SLC48A1: variants seen among roughly 807,000 people sequenced by gnomAD.
SLC48A1 encodes the protein heme transporter HRG1.
SLC48A1 carries 6 observed loss-of-function variants against 14.8 expected under a neutral mutation model. That is an observed-to-expected ratio of 0.41 (90% CI 0.22 to 0.80). The LOEUF (loss-of-function observed/expected upper bound fraction) is 0.80, where lower values mean the gene tolerates loss of function less well. SLC48A1 is among the 30% of genes least tolerant of loss of function. The pLI is 0.34. For synonymous variants in SLC48A1, 89 were observed against 90.0 expected (o/e 0.99, Z 0.06); for missense variants, 165 against 204.8 (o/e 0.81, Z 1.19).
At chr12:47,768,361 AGGAGGCTGCTGCAG>A (rs1337864057), upstream of SLC48A1, among the ~76,000 whole-genome samples, 1 of 152,168 alleles carries the variant, frequency 6.6e-6, no homozygotes, top group Non-Finnish European at 1.5e-5. Context: ...AGGACCAGTT[AGGAGGCTGCTGCAG>A]GTAGGTAGGT....
intron 2 of SLC48A1, among the ~76,000 whole-genome samples, chr12:47,762,922 C>T (rs1231894897): frequency 6.6e-6 from 1 of 152,230 alleles, no homozygotes; most frequent in Non-Finnish European, 1.5e-5. Flanking sequence ...AACTGGAGAG[C>T]TCAAACTGAG....
Position 47,773,279 on chromosome 12 carries a change from C to T in SLC48A1, c.-26C>T, listed in dbSNP as rs1011560754. The T allele has an allele frequency of 2.1e-5, 29 of 1,392,500 alleles. No individual in the cohort carries two copies. The highest frequency in any genetic ancestry group is 1.9e-4 in the East Asian group (6 of 30,852). 86.3% of individuals were successfully genotyped at this position (1,392,500 alleles called of 1,614,324 possible). On this transcript the variant is annotated 5_prime_UTR_variant, in exon 1 of 3. Transcript: ENST00000442218. ...CCTGTGACTCTCGGCCGCGCTCGCC[C>T]TCGGCCCGCCCGGCGCCGCAGCCCC...
intron 1 of SLC48A1, among the ~76,000 whole-genome samples, chr12:47,774,750 C>G (rs1052569538): frequency 2.0e-5 from 3 of 152,218 alleles, no homozygotes; most frequent in Middle Eastern, 3.4e-3. Context: ...GGCACCCTGG[C>G]TAGGGTGTTC....
upstream of SLC48A1, among the ~76,000 whole-genome samples, chr12:47,754,443 G>A (rs1439881883): frequency 3.3e-5 from 5 of 152,236 alleles, no homozygotes; most frequent in East Asian, 9.6e-4. Context: ...TTCAAGGGCA[G>A]TGGTCAAGTG....
At position 47,777,164 on chromosome 12, in the gene SLC48A1, G is replaced by T. The variant is rs1033373505; in HGVS notation, c.137-1864G>T. Among the ~76,000 whole-genome samples the T allele has an allele frequency of 4.6e-5, 7 of 152,202 alleles. No individual in the cohort carries two copies. The highest frequency in any genetic ancestry group is 1.7e-4 in the African/African-American group (7 of 41,448). ...GAAAGGTGGCTGGTATAAAAATCCA[G>T]ATCTTGTAGGAGGTAAGAGGAAGCT... On this transcript the variant is annotated intron_variant, in intron 1 of 2. Coordinates refer to ENST00000442218, the MANE Select transcript of SLC48A1 (RefSeq NM_017842.3). This position sits in a 1 kb window ranked among gnomAD's most constrained non-coding sequence, Gnocchi z 4.5.
rs771319502 is a variant in SLC48A1 at position 47,780,241 on chromosome 12, G to A, written c.401G>A (p.Arg134Gln). The A allele has an allele frequency of 9.3e-6, 15 of 1,614,096 alleles. 1 individual carries two copies. In the South Asian group the frequency reaches 1.1e-4, roughly 12 times the overall value. ...CTCAGCCTCTATGCCCACCGCTACC[G>A]GGCTGACTTTGCTGACATCAGCATC... The part of the protein sequence containing the change: ...FLLSLYAHRY[R>Q]ADFADISILS... The change falls in exon 3 of 3, where the codon CGG becomes CAG. Residue 134 changes from arginine to glutamine, a missense_variant. Transcript: ENST00000442218.
Position 47,777,419 on chromosome 12 carries a change from C to T in SLC48A1, c.137-1609C>T, listed in dbSNP as rs1014315414. ...AGCTGTAGGCTTGGTAGGCCTTCAC[C>T]CTCACTAGGGTAGAACCCTGGGCCC... On this transcript the variant is annotated intron_variant, in intron 1 of 2. Transcript: ENST00000442218. The surrounding 1 kb of genome is among the most constrained non-coding windows in gnomAD (Gnocchi z 4.5). 6.6e-6 allele frequency among the ~76,000 whole-genome samples: 1 copy of T among 152,166 alleles called. No individual in the cohort carries two copies. Among genetic ancestry groups the T allele is most frequent in the African/African-American group, 2.4e-5 (1 of 41,422 alleles).
chr12:47,757,537 C>T (rs1417989104), upstream of SLC48A1, among the ~76,000 whole-genome samples: 3 of 152,168 alleles, frequency 2.0e-5, no homozygotes, highest in Non-Finnish European at 4.4e-5. Context: ...GCCCCCATAC[C>T]TCCCACCTCC....
At chr12:47,758,256 G>C (rs1417036200), upstream of SLC48A1, 6 of 1,432,820 alleles carry the variant, frequency 4.2e-6, no homozygotes, top group African/African-American at 5.7e-5. Context: ...GGGGCCTGCC[G>C]GTCTGGCGCA....
chr12:47,761,196 C>CAAA (rs35422100), intron 2 of SLC48A1, among the ~76,000 whole-genome samples: 9 of 102,042 alleles, frequency 8.8e-5, no homozygotes, highest in African/African-American at 2.2e-4. Flanking sequence ...AACTCCATCT[C>CAAA]AAAAAAAAAA....
chr12:47,760,771 A>C (rs1942357764), intron 2 of SLC48A1, among the ~76,000 whole-genome samples: 1 of 152,220 alleles, frequency 6.6e-6, no homozygotes, highest in African/African-American at 2.4e-5. Context: ...TCACACAGCT[A>C]GTAAATGGTG....
intron 1 of SLC48A1, 33 bp downstream of exon 1, chr12:47,773,473 T>TGCGCGGCTGCGGGGCGGGC (rs1189234370): frequency 7.7e-6 from 10 of 1,297,956 alleles, no homozygotes; most frequent in Middle Eastern, 3.0e-4. Context: ...GCGGGGCGGG[T>TGCGCGGCTGCGGGGCGGGC]GCGCGGCTGC....
At chr12:47,754,595 C>T (rs1941945648), upstream of SLC48A1, among the ~76,000 whole-genome samples, 1 of 152,128 alleles carries the variant, frequency 6.6e-6, no homozygotes, top group Non-Finnish European at 1.5e-5. Flanking sequence ...ATGAATAGTA[C>T]CTATCACAAA....
In SLC48A1 at chr12:47,775,064, T is replaced by C. The variant is rs575951693; in HGVS notation, c.136+1624T>C. Reference sequence around the variant, plus strand: ...GAGTCTGGCCTGGTACAAGTGGAGGTGAACCCTACCTGGCCGTTTGACCCT... The same window carrying C: ...GAGTCTGGCCTGGTACAAGTGGAGGCGAACCCTACCTGGCCGTTTGACCCT... On this transcript the variant is annotated intron_variant, in intron 1 of 2. Coordinates refer to ENST00000442218, the MANE Select transcript of SLC48A1 (RefSeq NM_017842.3). 5.3e-5 allele frequency among the ~76,000 whole-genome samples: 8 copies of C among 152,138 alleles called. No individual in the cohort carries two copies. In the East Asian group the frequency reaches 1.5e-3, roughly 29 times the overall value.
intron 1 of SLC48A1, chr12:47,759,230 T>C: frequency 1.8e-5 from 8 of 439,854 alleles, no homozygotes; most frequent in Non-Finnish European, 2.4e-5. Context: ...AGGGGGTGAG[T>C]CACTGCGGCC....
In SLC48A1 at chr12:47,780,319, A is replaced by G; in HGVS notation, c.*38A>G. On this transcript the variant is annotated 3_prime_UTR_variant, in exon 3 of 3. Transcript: ENST00000442218. ...GGTCTCTGCACCCTGGGGGGGCCTT[A>G]GGACCTGGACTCAGCCTCTGAGATG... 1 of 1,614,064 alleles carries G rather than the reference A, an allele frequency of 6.2e-7. No individual in the cohort carries two copies. Among genetic ancestry groups the G allele is most frequent in the Non-Finnish European group, 8.5e-7 (1 of 1,179,954 alleles).
chr12:47,766,910 C>T (rs1942527438), upstream of SLC48A1, among the ~76,000 whole-genome samples: 1 of 152,182 alleles, frequency 6.6e-6, no homozygotes, highest in African/African-American at 2.4e-5. Context: ...GAGCTGCATT[C>T]TGGGTCCAAG....
At chr12:47,771,049 G>A, upstream of SLC48A1, 1 of 404,536 alleles carries the variant, frequency 2.5e-6, no homozygotes, top group Non-Finnish European at 5.0e-6. Context: ...GAGGGCTGCT[G>A]CTGAGCTCAC....
upstream of SLC48A1, chr12:47,773,228 T>G: frequency 8.9e-7 from 1 of 1,123,352 alleles, no homozygotes; most frequent in Non-Finnish European, 1.1e-6. Flanking sequence ...CTCCCGCGGC[T>G]CCGGCTGGCG....
Sources: gnomAD v4.1 joint callset for allele counts (sites outside exome capture counted in the v4.1 genomes callset) on GRCh38, gnomAD v4.1.1 for gene constraint, Gnocchi (gnomAD v3.1) non-coding constraint, MANE v1.5 for transcripts, NCBI Gene and HGNC (gene_info 2026-07-23, HGNC 2026-07-21) for gene names.